Variants in NOL4L observed in about 807,000 individuals in gnomAD.
NOL4L encodes the protein nucleolar protein 4-like.
NOL4L carries 7 observed loss-of-function variants against 64.5 expected under a neutral mutation model. The ratio of observed to expected loss-of-function variants is 0.11; its 90% CI spans 0.06 to 0.20. NOL4L has a LOEUF of 0.20. Ranked by LOEUF, NOL4L falls within the 10% of genes least tolerant of loss-of-function variation. NOL4L has a pLI of 1.00. For missense variants in NOL4L, 680 were observed against 967.1 expected (o/e 0.70, Z 3.94); for synonymous variants, 413 against 401.0 (o/e 1.03, Z -0.36).
intron 1 of NOL4L, among the ~76,000 whole-genome samples, chr20:32,575,236 T>G (rs1025245154): frequency 1.5e-4 from 23 of 152,064 alleles, no homozygotes; most frequent in African/African-American, 4.6e-4. Context: ...CAACCAATCT[T>G]GCCAGCTCAC....
intron 4 of NOL4L, among the ~76,000 whole-genome samples, chr20:32,476,570 CAG>C (rs2015413810): frequency 6.6e-6 from 1 of 152,252 alleles, no homozygotes; most frequent in African/African-American, 2.4e-5. Context: ...ACTTAAAAGA[CAG>C]AGTATTCTAG....
rs77524837 is a variant in NOL4L, at chr20:32,477,271, C to T, written c.700-2529G>A. 2.2e-3 allele frequency among the ~76,000 whole-genome samples: 339 copies of T among 152,362 alleles called. 3 individuals are homozygous for T. The highest frequency in any genetic ancestry group is 7.8e-3 in the African/African-American group (323 of 41,584). On this transcript the variant is annotated intron_variant, in intron 4 of 10. Coordinates refer to ENST00000621426, the MANE Select transcript of NOL4L (RefSeq NM_001256798.2). ...AGGTACAGTTGACAGCCCCGCTCCA[C>T]AGATGAGGAAACTGAGGCTCCAGGA...
At chr20:32,518,565 C>T (rs896773890) in intron 3 of NOL4L, among the ~76,000 whole-genome samples, 5 of 152,222 alleles carry the variant, frequency 3.3e-5, no homozygotes, top group African/African-American at 7.2e-5. Flanking sequence ...GAGAGGGGAG[C>T]GGATGGCGCC....
At chr20:32,508,240 T>C (rs1600785050) in intron 4 of NOL4L, among the ~76,000 whole-genome samples, 1 of 152,162 alleles carries the variant, frequency 6.6e-6, no homozygotes. Context: ...GTTTGGATGG[T>C]GGGGAGTCAT....
rs893848722 is a variant in NOL4L at position 32,464,717 on chromosome 20, C to T, written c.842-8322G>A. 3.6e-6 allele frequency: 1 copy of T among 276,944 alleles called. No homozygotes were observed. Among genetic ancestry groups the T allele is most frequent in the South Asian group, 1.6e-4 (1 of 6,212 alleles). 17.2% of individuals were successfully genotyped at this position (276,944 alleles called of 1,614,324 possible). A position where few individuals can be genotyped will look rare whatever the true frequency, so the allele number is the denominator to read the frequency against. On this transcript the variant is annotated intron_variant, in intron 5 of 10. Transcript: ENST00000621426. The surrounding 1 kb of genome is among the most constrained non-coding windows in gnomAD (Gnocchi z 5.6). ...TGTCCGACAGAAACAGAGTGGGAGC[C>T]GCATGAGGGATTTGAGTGCCCTAGT... is the stretch of plus-strand genomic sequence containing the variant.
chr20:32,511,321 G>A (rs770291810), intron 4 of NOL4L, 26 bp downstream of exon 4: 1 of 1,454,938 alleles, frequency 6.9e-7, no homozygotes. Context: ...GCCTCCAGGT[G>A]GGGTGAGGGG....
chr20:32,528,816 C>T (rs57530445), intron 1 of NOL4L, among the ~76,000 whole-genome samples: 2,745 of 152,334 alleles, frequency 0.018, 59 homozygotes, highest in African/African-American at 0.061. Context: ...GGCTGTCAGC[C>T]ACCAGCTCCT....
At chr20:32,579,798 GCT>G (rs958156150) in intron 1 of NOL4L, among the ~76,000 whole-genome samples, 9 of 152,070 alleles carry the variant, frequency 5.9e-5, no homozygotes, top group African/African-American at 2.2e-4. Flanking sequence ...AAAAACGCAC[GCT>G]CTGCCACTCA....
chr20:32,555,933 C>G (rs912976848), intron 1 of NOL4L, among the ~76,000 whole-genome samples: 1 of 152,080 alleles, frequency 6.6e-6, no homozygotes, highest in Admixed American at 6.6e-5. Flanking sequence ...CAGACCCAAG[C>G]TGAGACCCTG....
Position 32,447,211 on chromosome 20 carries a change from T to G in NOL4L, c.*385A>C. On this transcript the variant is annotated 3_prime_UTR_variant, in exon 11 of 11. Coordinates refer to ENST00000621426, the MANE Select transcript of NOL4L (RefSeq NM_001256798.2). Reference sequence around the variant, plus strand: ...AAAGGGTCCACTTTGCTTTTCTCAATAAATATGCAATTCTGCTCACCTAAG... The same window carrying G: ...AAAGGGTCCACTTTGCTTTTCTCAAGAAATATGCAATTCTGCTCACCTAAG... 1 of 478,816 alleles carries G rather than the reference T, an allele frequency of 2.1e-6. No individual in the cohort carries two copies. Among genetic ancestry groups the G allele is most frequent in the Non-Finnish European group, 4.1e-6 (1 of 243,182 alleles). The allele number at this position is 478,816 out of a possible 1,614,324, so 29.7% of individuals were successfully genotyped here.
rs1980776086 is a variant in NOL4L at position 32,584,620 on chromosome 20, G to C, written c.271C>G (p.Arg91Gly). 16 of 1,532,150 alleles carry C rather than the reference G, an allele frequency of 1.0e-5. No homozygotes were observed. The highest frequency in any genetic ancestry group is 1.4e-5 in the Non-Finnish European group (16 of 1,137,122). The allele number at this position is 1,532,150 out of a possible 1,614,324, so 94.9% of individuals were successfully genotyped here. Residue 91 changes from arginine to glycine, a missense_variant, in exon 1 of 11, where the codon CGG becomes GGG. Transcript: ENST00000621426. ...RSKGFRLGSG[R>G]EPKMGQVVYV... ...ACCACTTGGCCCATCTTGGGTTCCC[G>C]GCCGCTGCCCAGGCGGAAGCCCTTG...
chr20:32,512,109 C>T (rs1352994366), intron 3 of NOL4L, among the ~76,000 whole-genome samples: 3 of 152,172 alleles, frequency 2.0e-5, no homozygotes, highest in Non-Finnish European at 4.4e-5. Flanking sequence ...AAGGTCTGGC[C>T]ACATGGGGCC....
At chr20:32,521,536 G>A (rs1203701877) in intron 2 of NOL4L, among the ~76,000 whole-genome samples, 2 of 152,162 alleles carry the variant, frequency 1.3e-5, no homozygotes, top group Non-Finnish European at 2.9e-5. Context: ...AATTTTCAAG[G>A]CAGTGCCAGA....
At chr20:32,559,136 C>T (rs1978844928) in intron 1 of NOL4L, among the ~76,000 whole-genome samples, 1 of 151,962 alleles carries the variant, frequency 6.6e-6, no homozygotes, top group South Asian at 2.1e-4. Context: ...AGGCATCCCC[C>T]ACGGGACTAC....
At chr20:32,522,856 T>G (rs1002682706) in intron 2 of NOL4L, among the ~76,000 whole-genome samples, 3 of 151,342 alleles carry the variant, frequency 2.0e-5, no homozygotes, top group Middle Eastern at 3.2e-3. Flanking sequence ...CGGGGGAGGG[T>G]TGCACAGTCA....
chr20:32,470,388 C>T (rs1198417422), intron 5 of NOL4L, among the ~76,000 whole-genome samples: 1 of 152,270 alleles, frequency 6.6e-6, no homozygotes, highest in African/African-American at 2.4e-5. Flanking sequence ...CATTTTCATC[C>T]ACTCATTCAT....
chr20:32,502,359 G>A (rs1383144283), intron 4 of NOL4L, among the ~76,000 whole-genome samples: 15 of 152,114 alleles, frequency 9.9e-5, no homozygotes, highest in South Asian at 4.1e-4. Flanking sequence ...TTGGGAGGCC[G>A]AGGCAGGCGG....
chr20:32,555,555 C>G (rs1200596998), intron 1 of NOL4L, among the ~76,000 whole-genome samples: 1 of 151,924 alleles, frequency 6.6e-6, no homozygotes, highest in Non-Finnish European at 1.5e-5. Context: ...GCCTCAGAGT[C>G]CCAAAGTGCT....
At chr20:32,508,822 G>A (rs927532704) in intron 4 of NOL4L, among the ~76,000 whole-genome samples, 4 of 152,096 alleles carry the variant, frequency 2.6e-5, no homozygotes, top group South Asian at 2.1e-4. Flanking sequence ...CATGAACTTC[G>A]GTTCATCCCC....
Sources: gnomAD v4.1 joint callset for allele counts (sites outside exome capture counted in the v4.1 genomes callset) on GRCh38, gnomAD v4.1.1 for gene constraint, Gnocchi (gnomAD v3.1) non-coding constraint, MANE v1.5 for transcripts, NCBI Gene and HGNC (gene_info 2026-07-23, HGNC 2026-07-21) for gene names.